Variants in RANBP17 observed in about 807,000 individuals in gnomAD.
RANBP17 encodes ran-binding protein 17.
In RANBP17, 158 loss-of-function variants were observed where a neutral mutation model predicts 141.2. The ratio of observed to expected loss-of-function variants is 1.12; its 90% confidence interval spans 0.98 to 1.28. The LOEUF (loss-of-function observed/expected upper bound fraction) is 1.28. Ranked by LOEUF, RANBP17 falls within the 50% of genes most tolerant of loss-of-function variation. The probability of loss-of-function intolerance (pLI) is 0.00; values close to 1 mark genes in which losing one functional copy is unlikely to be tolerated. For missense variants in RANBP17, 1,438 were observed against 1,290.7 expected, an observed-to-expected ratio of 1.11 and a Z score of -1.75; for synonymous variants, 430 against 450.0, an observed-to-expected ratio of 0.96 and a Z score of 0.56.
At chr5:170,960,135 TG>T (rs1193674747) in intron 13 of RANBP17, among the ~76,000 whole-genome samples, 1 of 152,236 alleles carries the variant, frequency 6.6e-6, no homozygotes, top group African/African-American at 2.4e-5. Context: ...AGCTTTGTTT[TG>T]CTTACTGCTG....
chr5:171,228,397 T>C (rs1215155367), intron 22 of RANBP17, among the ~76,000 whole-genome samples: 3 of 152,218 alleles, frequency 2.0e-5, no homozygotes, highest in African/African-American at 7.2e-5. Flanking sequence ...ACTGAAGATG[T>C]GACTGAACTG....
chr5:171,244,891 C>T (rs1004344395), intron 24 of RANBP17, among the ~76,000 whole-genome samples: 17 of 152,132 alleles, frequency 1.1e-4, no homozygotes, highest in Admixed American at 2.0e-4. Flanking sequence ...TTTGGGAGGC[C>T]GAGCTGGGCG....
In RANBP17 at chr5:170,997,037, G is replaced by C. The variant is rs964601155; in HGVS notation, c.1710+28660G>C. On this transcript the variant is annotated intron_variant, in intron 14 of 27. Coordinates refer to ENST00000523189, the MANE Select transcript of RANBP17 (RefSeq NM_022897.5). ...AAGAGAGACCAGATGGAGGTAATTG[G>C]ATCATGGGGGCAGTTTCCCCCCATG... 3.9e-5 allele frequency among the ~76,000 whole-genome samples: 6 copies of C among 152,248 alleles called. No individual in the cohort carries two copies. In the East Asian group the frequency reaches 1.2e-3, roughly 29 times the overall value.
chr5:171,107,946 AG>A (rs939891634), intron 14 of RANBP17, among the ~76,000 whole-genome samples: 4 of 152,232 alleles, frequency 2.6e-5, no homozygotes, highest in Non-Finnish European at 5.9e-5. Context: ...CAGAGCAATC[AG>A]TTTCAGGTTT....
intron 24 of RANBP17, among the ~76,000 whole-genome samples, chr5:171,246,266 C>G (rs1260057064): frequency 6.6e-6 from 1 of 152,188 alleles, no homozygotes; most frequent in Non-Finnish European, 1.5e-5. Flanking sequence ...TACGTAGGTC[C>G]CACACTCTGG....
intron 13 of RANBP17, among the ~76,000 whole-genome samples, chr5:170,957,388 A>G (rs1318237184): frequency 6.6e-6 from 1 of 152,110 alleles, no homozygotes; most frequent in Non-Finnish European, 1.5e-5. Context: ...GAAAACAAAT[A>G]CAGTCAATCT....
At chr5:170,949,561 AAAAG>A (rs1489012196) in intron 12 of RANBP17, among the ~76,000 whole-genome samples, 2 of 152,190 alleles carry the variant, frequency 1.3e-5, no homozygotes, top group Non-Finnish European at 2.9e-5. Flanking sequence ...GATATAATAA[AAAAG>A]AAAACTACAA....
At chr5:171,187,471 A>G (rs2127932198) in intron 18 of RANBP17, among the ~76,000 whole-genome samples, 1 of 152,232 alleles carries the variant, frequency 6.6e-6, no homozygotes, top group Admixed American at 6.5e-5. Context: ...GGTATCTGTG[A>G]AGCACAATAA....
At chr5:171,153,621 G>A (rs1160843152) in intron 14 of RANBP17, among the ~76,000 whole-genome samples, 1 of 152,200 alleles carries the variant, frequency 6.6e-6, no homozygotes, top group South Asian at 2.1e-4. Context: ...CCCAGGGGGT[G>A]CTTGGGTTTC....
intron 14 of RANBP17, among the ~76,000 whole-genome samples, chr5:171,010,025 A>G (rs1303097681): frequency 6.6e-6 from 1 of 152,146 alleles, no homozygotes; most frequent in African/African-American, 2.4e-5. Flanking sequence ...AGAGGATGAT[A>G]TTTAGGGCAA....
chr5:170,931,287 G>A (rs1316806691), intron 12 of RANBP17, among the ~76,000 whole-genome samples: 1 of 152,130 alleles, frequency 6.6e-6, no homozygotes, highest in African/African-American at 2.4e-5. Context: ...ATTTGTTTAA[G>A]TTCTTTGTAG....
Position 171,293,876 on chromosome 5 carries a change from C to T in RANBP17, c.2944-7C>T, listed in dbSNP as rs984261505. The T allele has an allele frequency of 2.5e-6, 4 of 1,606,128 alleles. No individual in the cohort carries two copies. Among genetic ancestry groups the T allele is most frequent in the African/African-American group, 1.3e-5 (1 of 74,822 alleles). ...CATCTCAATCTTTATGTGATTCTAT[C>T]TTCTAGATGATGTCTGTCCTCATGA... is the stretch of plus-strand genomic sequence containing the variant. On this transcript the variant is annotated splice_region_variant and splice_polypyrimidine_tract_variant and intron_variant, in intron 25 of 27. Transcript: ENST00000523189.
At chr5:171,088,568 G>C (rs955090253) in intron 14 of RANBP17, among the ~76,000 whole-genome samples, 12 of 152,296 alleles carry the variant, frequency 7.9e-5, no homozygotes, top group Admixed American at 5.9e-4. Flanking sequence ...TTTCCAACTT[G>C]TTTCCATTCT....
chr5:170,992,186 C>T (rs1202598064), intron 14 of RANBP17, among the ~76,000 whole-genome samples: 1 of 151,992 alleles, frequency 6.6e-6, no homozygotes, highest in Non-Finnish European at 1.5e-5. Flanking sequence ...ATTTGTGTTT[C>T]CATCCATTCC....
chr5:171,116,350 T>A (rs1755629510), intron 14 of RANBP17, among the ~76,000 whole-genome samples: 1 of 152,022 alleles, frequency 6.6e-6, no homozygotes, highest in East Asian at 1.9e-4. Context: ...TCAGAATCTC[T>A]GGGGTGATTT....
intron 24 of RANBP17, among the ~76,000 whole-genome samples, chr5:171,255,897 A>G (rs1765853733): frequency 6.6e-6 from 1 of 152,204 alleles, no homozygotes; most frequent in African/African-American, 2.4e-5. Flanking sequence ...GTAACTAAAA[A>G]AGTAAATATT....
chr5:171,235,299 C>A (rs934341441), intron 22 of RANBP17, among the ~76,000 whole-genome samples: 1 of 148,088 alleles, frequency 6.8e-6, no homozygotes, highest in African/African-American at 2.5e-5. Flanking sequence ...GGAAGTAAGG[C>A]CAAGAGAAGT....
intron 14 of RANBP17, among the ~76,000 whole-genome samples, chr5:171,034,277 C>T (rs1212723047): frequency 6.6e-6 from 1 of 152,148 alleles, no homozygotes; most frequent in African/African-American, 2.4e-5. Flanking sequence ...AAGAGGACAG[C>T]TTGGTCCCAG....
intron 14 of RANBP17, among the ~76,000 whole-genome samples, chr5:170,999,628 CA>C (rs904871210): frequency 3.1e-4 from 47 of 152,162 alleles, no homozygotes; most frequent in African/African-American, 1.1e-3. Flanking sequence ...TGGGAATTCT[CA>C]AAGATAATTG....
Sources: allele counts gnomAD v4.1 joint callset (sites outside exome capture counted in the v4.1 genomes callset), GRCh38; gene constraint gnomAD v4.1.1; transcripts MANE v1.5; gene names NCBI Gene and HGNC (gene_info 2026-07-23, HGNC 2026-07-21).